The following USP46 variants were observed in gnomAD, a reference collection of about 807,000 sequenced individuals.
The protein encoded by USP46 is ubiquitin specific peptidase 46, also known as ubiquitin carboxyl-terminal hydrolase 46.
Under a neutral mutation model 44.4 loss-of-function variants are expected in USP46, and 12 were observed. The ratio of observed to expected loss-of-function variants is 0.27; its 90% confidence interval spans 0.17 to 0.44. The LOEUF is 0.44. USP46 is among the 20% of genes least tolerant of loss of function. USP46 has a pLI of 1.00. For synonymous variants in USP46, 155 were observed against 161.5 expected, an observed-to-expected ratio of 0.96 and a Z score of 0.31; for missense variants, 248 against 444.8, an observed-to-expected ratio of 0.56 and a Z score of 3.98.
intron 1 of USP46, among the ~76,000 whole-genome samples, chr4:52,647,050 C>A (rs905674846): frequency 1.3e-5 from 2 of 152,178 alleles, no homozygotes; most frequent in African/African-American, 4.8e-5. Flanking sequence ...TTTGTAAAAA[C>A]CGAAGACTAG....
At chr4:52,644,545 A>G (rs561640245) in intron 1 of USP46, among the ~76,000 whole-genome samples, 2 of 152,178 alleles carry the variant, frequency 1.3e-5, no homozygotes, top group East Asian at 3.9e-4. Flanking sequence ...AGTGAACTCT[A>G]TTGTGAACTG....
intron 4 of USP46, among the ~76,000 whole-genome samples, chr4:52,618,919 C>T (rs764062019): frequency 1.3e-5 from 2 of 152,100 alleles, no homozygotes; most frequent in Non-Finnish European, 2.9e-5. Flanking sequence ...TTAAAACAAC[C>T]TTTTGGCTCC....
intron 4 of USP46, among the ~76,000 whole-genome samples, chr4:52,625,330 G>A (rs1717535923): frequency 6.6e-6 from 1 of 151,954 alleles, no homozygotes; most frequent in Non-Finnish European, 1.5e-5. Context: ...TAGCTAACAA[G>A]CAGAAAAGCC....
chr4:52,616,022 A>G lies in USP46; in HGVS notation c.562-5405T>C, dbSNP rs117474103. Among the ~76,000 whole-genome samples the G allele has an allele frequency of 6.7e-3, 1,024 of 152,352 alleles. 8 individuals carry two copies. The highest frequency in any genetic ancestry group is 0.049 in the East Asian group (256 of 5,188). On this transcript the variant is annotated intron_variant, in intron 4 of 8. Coordinates refer to ENST00000441222, the MANE Select transcript of USP46 (RefSeq NM_022832.4). ...TAGTAGGGGGAAAGTCAACTAAGAC[A>G]TAAAGGATCTGAATAACTTTATCAA...
Position 52,591,307 on chromosome 4 carries a change from T to C in USP46, c.*6333A>G, listed in dbSNP as rs1716002489. 6.6e-6 allele frequency: 1 copy of C among 152,208 alleles called. No homozygotes were observed. The highest frequency in any genetic ancestry group is 2.4e-5 in the African/African-American group (1 of 41,450). The allele number at this position is 152,208 out of a possible 1,614,324, so 9.4% of individuals were successfully genotyped here. ...TACACAGAAATAGTGGCTTCAATGA[T>C]CAAGTTATTTTGCTTCTGGTCAAGT... On this transcript the variant is annotated 3_prime_UTR_variant, in exon 9 of 9. Coordinates refer to ENST00000441222, the MANE Select transcript of USP46 (RefSeq NM_022832.4).
At chr4:52,632,918 GAGAAAGAAAGAAAGAAAGAA>G (rs58983073) in intron 1 of USP46, among the ~76,000 whole-genome samples, 60 of 35,192 alleles carry the variant, frequency 1.7e-3, no homozygotes, top group African/African-American at 4.5e-3. Flanking sequence ...AAGAAAGAAA[GAGAAAGAAAGAAAGAAAGAA>G]AGAAAGAAAG....
rs1211147073 is a variant in USP46, at chr4:52,623,224, G to A, written c.561+2794C>T. 2.0e-5 allele frequency among the ~76,000 whole-genome samples: 3 copies of A among 151,946 alleles called. No homozygotes were observed. The East Asian group carries it at 5.8e-4, about 29-fold the overall frequency. ...GGTGAGGTAAGGATGGTGAGAAGGA[G>A]TACACCCTTATTAAATGAAAAAGAC... is the stretch of plus-strand genomic sequence containing the variant. On this transcript the variant is annotated intron_variant, in intron 4 of 8. Transcript: ENST00000441222.
intron 1 of USP46, among the ~76,000 whole-genome samples, chr4:52,652,882 C>G (rs897390934): frequency 6.6e-6 from 1 of 152,058 alleles, no homozygotes; most frequent in Non-Finnish European, 1.5e-5. Flanking sequence ...TTCCACATTT[C>G]TGTATGTCTA....
At chr4:52,655,894 G>A (rs1718929260) in intron 1 of USP46, among the ~76,000 whole-genome samples, 2 of 152,170 alleles carry the variant, frequency 1.3e-5, no homozygotes, top group Admixed American at 1.3e-4. Flanking sequence ...GGTAAGTGGA[G>A]GAATGAAGAT....
At chr4:52,607,146 A>G (rs755916498) in intron 5 of USP46, among the ~76,000 whole-genome samples, 6 of 152,198 alleles carry the variant, frequency 3.9e-5, no homozygotes, top group Non-Finnish European at 7.3e-5. Context: ...CCAAAAACTT[A>G]TTTGATTTGT....
chr4:52,631,610 G>A (rs1717829989), intron 1 of USP46, among the ~76,000 whole-genome samples: 1 of 152,200 alleles, frequency 6.6e-6, no homozygotes. Flanking sequence ...ATGGATAACA[G>A]AACAGTGAGC....
intron 1 of USP46, among the ~76,000 whole-genome samples, chr4:52,652,162 G>C (rs1718790672): frequency 6.6e-6 from 1 of 152,126 alleles, no homozygotes; most frequent in African/African-American, 2.4e-5. Flanking sequence ...CTAGCAAACA[G>C]GAAAAGTGCA....
chr4:52,632,342 A>G (rs1383875557), intron 1 of USP46, among the ~76,000 whole-genome samples: 1 of 152,202 alleles, frequency 6.6e-6, no homozygotes, highest in Admixed American at 6.5e-5. Flanking sequence ...AGGATTAGGA[A>G]AAGTGACCCA....
chr4:52,656,644 G>A, intron 1 of USP46: 4 of 1,070,552 alleles, frequency 3.7e-6, no homozygotes, highest in Non-Finnish European at 4.6e-6. Flanking sequence ...CATGTACCAG[G>A]CCCTGTGCCC....
At chr4:52,630,369 G>A (rs1717770943) in intron 2 of USP46, among the ~76,000 whole-genome samples, 1 of 152,172 alleles carries the variant, frequency 6.6e-6, no homozygotes, top group African/African-American at 2.4e-5. Flanking sequence ...GCAATGTGCT[G>A]GTAATGTTTT....
intron 7 of USP46, 92 bp from the exon 8 acceptor site, chr4:52,598,798 G>A: frequency 8.2e-7 from 1 of 1,223,914 alleles, no homozygotes; most frequent in Non-Finnish European, 1.1e-6. Context: ...GATTCTCTGG[G>A]AAAAAAAACT....
chr4:52,630,954 G>T, intron 2 of USP46, 110 bp downstream of exon 2: 1 of 886,800 alleles, frequency 1.1e-6, no homozygotes. Flanking sequence ...TACTAACTAC[G>T]GAGCATGACC....
At chr4:52,599,895 C>T (rs1464373822) in intron 7 of USP46, among the ~76,000 whole-genome samples, 3 of 152,108 alleles carry the variant, frequency 2.0e-5, no homozygotes, top group East Asian at 1.9e-4. Context: ...ATATTATGGG[C>T]CTTTGCATTG....
intron 6 of USP46, 119 bp from the exon 7 acceptor site, chr4:52,602,173 A>C (rs1716496978): frequency 8.9e-7 from 1 of 1,127,642 alleles, no homozygotes; most frequent in Non-Finnish European, 1.3e-6. Context: ...ACCAGCAAAC[A>C]ACCAAACAGT....
Sources: allele counts gnomAD v4.1 joint callset (sites outside exome capture counted in the v4.1 genomes callset), GRCh38; gene constraint gnomAD v4.1.1; transcripts MANE v1.5; gene names NCBI Gene and HGNC (gene_info 2026-07-23, HGNC 2026-07-21).